FAM184A: variants seen among roughly 807,000 people sequenced by gnomAD.
FAM184A encodes family with sequence similarity 184 member A, also known as protein FAM184A.
A neutral mutation model predicts 143.8 loss-of-function variants in FAM184A; 99 were observed. The observed-to-expected ratio is 0.69, with a 90% CI of 0.58 to 0.81. FAM184A has a LOEUF of 0.81. Ranked by LOEUF, FAM184A falls within the 40% of genes least tolerant of loss-of-function variation. The pLI, the probability that FAM184A is intolerant of heterozygous loss-of-function variation, is 0.00. For synonymous variants in FAM184A, 427 were observed against 446.4 expected (o/e 0.96, Z 0.55); for missense variants, 1,217 against 1,310.5 (o/e 0.93, Z 1.10).
intron 1 of FAM184A, among the ~76,000 whole-genome samples, chr6:119,051,034 T>G (rs1480133803): frequency 6.6e-6 from 1 of 152,144 alleles, no homozygotes; most frequent in African/African-American, 2.4e-5. Flanking sequence ...AAAAAATAAC[T>G]GTTGGGTACT....
chr6:119,121,560 AATG>A (rs1436218619), intron 1 of FAM184A, among the ~76,000 whole-genome samples: 1 of 152,228 alleles, frequency 6.6e-6, no homozygotes, highest in Non-Finnish European at 1.5e-5. Flanking sequence ...AACAAAACTT[AATG>A]ATGTCAGCAA....
At chr6:119,003,454 C>T (rs755424574) in intron 8 of FAM184A, 47 bp downstream of exon 8, 1 of 1,569,488 alleles carries the variant, frequency 6.4e-7, no homozygotes, top group Non-Finnish European at 8.7e-7. Flanking sequence ...AAGAGAAAAA[C>T]TTTCTTGCAT....
chr6:119,148,967 T>C (rs1381804147), intron 1 of FAM184A: 2 of 152,194 alleles, frequency 1.3e-5, no homozygotes, highest in African/African-American at 4.8e-5. Flanking sequence ...CGCCCAATGC[T>C]GTCTTCGCTT....
At chr6:119,014,837 T>C (rs576037777) in intron 5 of FAM184A, among the ~76,000 whole-genome samples, 15 of 151,966 alleles carry the variant, frequency 9.9e-5, no homozygotes, top group Non-Finnish European at 1.6e-4. Context: ...GGTGGGAGGA[T>C]CACTTGAGGT....
At chr6:119,142,195 T>C (rs913180180) in intron 1 of FAM184A, among the ~76,000 whole-genome samples, 3 of 152,104 alleles carry the variant, frequency 2.0e-5, no homozygotes, top group South Asian at 2.1e-4. Flanking sequence ...GAAGACAATA[T>C]ATCAGCTAGG....
At chr6:119,103,521 T>C (rs941436176) in intron 1 of FAM184A, among the ~76,000 whole-genome samples, 1 of 152,160 alleles carries the variant, frequency 6.6e-6, no homozygotes, top group East Asian at 1.9e-4. Flanking sequence ...AAGACAAAAC[T>C]AGAAGATTGT....
chr6:119,095,198 C>T (rs1788474321), intron 1 of FAM184A, among the ~76,000 whole-genome samples: 1 of 152,326 alleles, frequency 6.6e-6, no homozygotes, highest in South Asian at 2.1e-4. Context: ...ATTCCCATCT[C>T]TTCCTTGCTA....
At chr6:119,026,433 A>G (rs1390276828) in intron 1 of FAM184A, among the ~76,000 whole-genome samples, 1 of 152,158 alleles carries the variant, frequency 6.6e-6, no homozygotes. Flanking sequence ...TCAAATGGCC[A>G]TAAAAGACTG....
chr6:119,032,775 C>T (rs1433672644), intron 1 of FAM184A, among the ~76,000 whole-genome samples: 2 of 152,096 alleles, frequency 1.3e-5, no homozygotes, highest in African/African-American at 2.4e-5. Context: ...AGAGTAATCT[C>T]GGATTCAGTA....
intron 1 of FAM184A, among the ~76,000 whole-genome samples, chr6:119,119,948 C>T (rs1789167454): frequency 6.6e-6 from 1 of 152,210 alleles, no homozygotes; most frequent in South Asian, 2.1e-4. Flanking sequence ...TGTGCCGCTG[C>T]AGCACAGCAT....
chr6:118,982,485 G>C (rs557142725), intron 9 of FAM184A, among the ~76,000 whole-genome samples: 2 of 152,356 alleles, frequency 1.3e-5, no homozygotes, highest in African/African-American at 4.8e-5. Flanking sequence ...ACCTGACCAA[G>C]TGGGGATTAA....
At chr6:119,038,675 C>T (rs1374733858) in intron 1 of FAM184A, among the ~76,000 whole-genome samples, 1 of 152,198 alleles carries the variant, frequency 6.6e-6, no homozygotes, top group Non-Finnish European at 1.5e-5. Flanking sequence ...GCCCTCAGGG[C>T]TGCTCTGTCT....
intron 2 of FAM184A, among the ~76,000 whole-genome samples, chr6:119,023,552 T>TCC (rs758190115): frequency 3.6e-4 from 5 of 14,002 alleles, no homozygotes; most frequent in Non-Finnish European, 7.0e-4. Flanking sequence ...AGCAATATTG[T>TCC]CCGCCCCCCC....
intron 1 of FAM184A, among the ~76,000 whole-genome samples, chr6:119,046,673 T>C (rs776615491): frequency 7.2e-5 from 11 of 152,186 alleles, no homozygotes; most frequent in African/African-American, 2.7e-4. Context: ...AAGTCAATTA[T>C]GACTAACATT....
chr6:119,082,987 G>A (rs1788113068), upstream of FAM184A, among the ~76,000 whole-genome samples: 2 of 152,234 alleles, frequency 1.3e-5, no homozygotes, highest in African/African-American at 4.8e-5. Context: ...ACATCCAGAT[G>A]TTTCTATACA....
At chr6:118,992,174 C>T (rs1784401312) in intron 9 of FAM184A, among the ~76,000 whole-genome samples, 1 of 151,970 alleles carries the variant, frequency 6.6e-6, no homozygotes, top group Admixed American at 6.6e-5. Flanking sequence ...AGGAGACAGA[C>T]CTTGGTAACA....
At chr6:118,985,894 C>T (rs531444511) in intron 9 of FAM184A, among the ~76,000 whole-genome samples, 25 of 152,194 alleles carry the variant, frequency 1.6e-4, no homozygotes, top group African/African-American at 5.3e-4. Flanking sequence ...AATGACTTAA[C>T]GAAAATGGTC....
At chr6:118,969,188 G>GA (rs753310232) in intron 14 of FAM184A, among the ~76,000 whole-genome samples, 2 of 152,142 alleles carry the variant, frequency 1.3e-5, no homozygotes, top group Non-Finnish European at 2.9e-5. Context: ...CTTCCGCCAT[G>GA]ATTGTAAGTT....
intron 2 of FAM184A, among the ~76,000 whole-genome samples, chr6:119,023,622 G>C (rs1476196130): frequency 7.8e-6 from 1 of 128,296 alleles, no homozygotes; most frequent in Admixed American, 1.0e-4. Flanking sequence ...TCTAACACCT[G>C]GCCTGAAGCG....
Sources: allele counts gnomAD v4.1 joint callset (sites outside exome capture counted in the v4.1 genomes callset), GRCh38; gene constraint gnomAD v4.1.1; transcripts MANE v1.5; gene names NCBI Gene and HGNC (gene_info 2026-07-23, HGNC 2026-07-21).